The following PCDHGA7 variants were observed in gnomAD, a reference collection of about 807,000 sequenced individuals.
PCDHGA7 encodes the protein protocadherin gamma subfamily A, 7, also known as protocadherin gamma-A7.
Under a neutral mutation model 58.3 loss-of-function variants are expected in PCDHGA7, and 44 were observed. The observed-to-expected ratio is 0.75, with a 90% CI of 0.59 to 0.97. The LOEUF (loss-of-function observed/expected upper bound fraction) is 0.97. Among genes scored for constraint, PCDHGA7 ranks in the 50% least tolerant of loss-of-function variants. PCDHGA7 has a pLI of 0.00. For synonymous variants in PCDHGA7, 516 were observed against 504.2 expected (o/e 1.02, Z -0.31); for missense variants, 1,266 against 1,188.7 (o/e 1.06, Z -0.96).
Position 141,476,008 on chromosome 5 carries a change from G to T in PCDHGA7, c.2425-18799G>T. 1 of 1,282,144 alleles carries T rather than the reference G, an allele frequency of 7.8e-7. No homozygotes were observed. Among genetic ancestry groups the T allele is most frequent in the Non-Finnish European group, 1.1e-6 (1 of 935,996 alleles). 79.4% of individuals were successfully genotyped at this position (1,282,144 alleles called of 1,614,324 possible). On this transcript the variant is annotated intron_variant, in intron 1 of 3. Coordinates refer to ENST00000518325, the MANE Select transcript of PCDHGA7 (RefSeq NM_018920.4). This position sits in a 1 kb window ranked among gnomAD's most constrained non-coding sequence, Gnocchi z 7.6. ...CGAGCAAATCAACGGCATCCAGAAA[G>T]CCATGTCGGACTCGGCGCCCAGCGC... is the stretch of plus-strand genomic sequence containing the variant.
chr5:141,406,620 C>T (rs1355085005), intron 1 of PCDHGA7, among the ~76,000 whole-genome samples: 1 of 152,148 alleles, frequency 6.6e-6, no homozygotes, highest in Non-Finnish European at 1.5e-5. Flanking sequence ...CTTTTATTCT[C>T]ATATCTTCAA....
intron 1 of PCDHGA7, chr5:141,419,876 C>T (rs1219393740): frequency 1.4e-5 from 23 of 1,614,084 alleles, no homozygotes; most frequent in Non-Finnish European, 1.9e-5. Flanking sequence ...AGAGGTACTG[C>T]CGGATTTCAG....
chr5:141,422,563 G>A, intron 1 of PCDHGA7: 3 of 1,613,986 alleles, frequency 1.9e-6, no homozygotes, highest in African/African-American at 1.3e-5. Flanking sequence ...TGTGGCAGAT[G>A]ACAACGATAA....
Position 141,489,956 on chromosome 5 carries a change from C to CTCCAACCT in PCDHGA7, c.2425-4845_2425-4838dup, listed in dbSNP as rs1176419823. Reference sequence around the variant, plus strand: ...ATCGTGCTGGACATCAATGATAATGCTCCAACCTTCCAATCCTCAGTTCTA... The same window carrying CTCCAACCT: ...ATCGTGCTGGACATCAATGATAATGCTCCAACCTTCCAACCTTCCAATCCTCAGTTCTA... On this transcript the variant is annotated intron_variant, in intron 1 of 3. Coordinates refer to ENST00000518325, the MANE Select transcript of PCDHGA7 (RefSeq NM_018920.4). The surrounding 1 kb of genome is among the most constrained non-coding windows in gnomAD (Gnocchi z 4.5). 16 of 1,614,012 alleles carry CTCCAACCT rather than the reference C, an allele frequency of 9.9e-6. No individual in the cohort carries two copies. The highest frequency in any genetic ancestry group is 1.4e-5 in the Non-Finnish European group (16 of 1,179,974).
intron 1 of PCDHGA7, chr5:141,421,506 G>T: frequency 6.2e-7 from 1 of 1,614,076 alleles, no homozygotes; most frequent in Non-Finnish European, 8.5e-7. Context: ...GGATAGACCG[G>T]GAGGAGCTCT....
chr5:141,392,661 A>T, intron 1 of PCDHGA7: 1 of 803,300 alleles, frequency 1.2e-6, no homozygotes, highest in Non-Finnish European at 1.9e-6. Context: ...CAGATGCCAC[A>T]AACTAACTGC....
At chr5:141,499,287 C>T (rs896428388) in intron 2 of PCDHGA7, among the ~76,000 whole-genome samples, 3 of 152,184 alleles carry the variant, frequency 2.0e-5, no homozygotes, top group Non-Finnish European at 2.9e-5. Context: ...CTGATGGCTC[C>T]ACACTACCAT....
chr5:141,422,272 A>T, intron 1 of PCDHGA7: 13 of 1,561,362 alleles, frequency 8.3e-6, no homozygotes, highest in Non-Finnish European at 1.1e-5. Context: ...TCCAGAAATA[A>T]CTATCACCTC....
intron 1 of PCDHGA7, among the ~76,000 whole-genome samples, chr5:141,451,410 G>T (rs1201545799): frequency 6.6e-6 from 1 of 152,190 alleles, no homozygotes; most frequent in East Asian, 1.9e-4. Context: ...TAAGTTCCTT[G>T]TGGATTGTTA....
At chr5:141,387,019 A>G (rs753625930) in intron 1 of PCDHGA7, among the ~76,000 whole-genome samples, 1 of 152,192 alleles carries the variant, frequency 6.6e-6, no homozygotes, top group Non-Finnish European at 1.5e-5. Context: ...TTGAAGATGA[A>G]TGTTGTATTT....
rs113341686 is a variant in PCDHGA7, at chr5:141,488,763, G to A, written c.2425-6044G>A. Among the ~76,000 whole-genome samples the A allele has an allele frequency of 6.6e-4, 101 of 152,264 alleles. 1 individual carries two copies. The highest frequency in any genetic ancestry group is 1.7e-3 in the African/African-American group (69 of 41,544). ...ATGCAGGAAGTTGCTGGGACAGAACGCTGAGGAGTTTTGTATCACTTTGTC... is the reference window on the plus strand; with the variant it reads ...ATGCAGGAAGTTGCTGGGACAGAACACTGAGGAGTTTTGTATCACTTTGTC... On this transcript the variant is annotated intron_variant, in intron 1 of 3. Coordinates refer to ENST00000518325, the MANE Select transcript of PCDHGA7 (RefSeq NM_018920.4).
At chr5:141,426,538 C>T (rs1038881219) in intron 1 of PCDHGA7, 2 of 346,308 alleles carry the variant, frequency 5.8e-6, no homozygotes, top group Non-Finnish European at 1.2e-5. Context: ...TGGGAACATA[C>T]TTGTGAGTGA....
In PCDHGA7 at chr5:141,407,146, T is replaced by C. The variant is rs142297912; in HGVS notation, c.2424+21823T>C. On this transcript the variant is annotated intron_variant, in intron 1 of 3. Transcript: ENST00000518325. ...TGCTTTATTTTTAAGAAAAAAAAGC[T>C]GAAGTGTCTGGGAATCCTTTATGAC... 2.0e-5 allele frequency among the ~76,000 whole-genome samples: 3 copies of C among 152,354 alleles called. No individual in the cohort carries two copies. The East Asian group carries it at 5.8e-4, about 29-fold the overall frequency.
Position 141,382,809 on chromosome 5 carries a change from C to A in PCDHGA7, c.-91C>A. On this transcript the variant is annotated 5_prime_UTR_variant, in exon 1 of 4. Transcript: ENST00000518325. ...CTCTATCCTGCTGGATTCTGAGCTC[C>A]CCTTCCTAAGACAGAGGGGTCCACC... is the stretch of plus-strand genomic sequence containing the variant. 8.7e-7 allele frequency: 1 copy of A among 1,143,884 alleles called. No homozygotes were observed. The highest frequency in any genetic ancestry group is 1.2e-6 in the Non-Finnish European group (1 of 803,680). 70.9% of individuals were successfully genotyped at this position (1,143,884 alleles called of 1,614,324 possible).
At chr5:141,444,115 AG>A (rs1206374963) in intron 1 of PCDHGA7, among the ~76,000 whole-genome samples, 3 of 147,326 alleles carry the variant, frequency 2.0e-5, no homozygotes, top group Admixed American at 2.0e-4. Context: ...AGAAAAGTGA[AG>A]TATCTCAACA....
intron 1 of PCDHGA7, among the ~76,000 whole-genome samples, chr5:141,445,011 T>C (rs970882082): frequency 1.3e-5 from 2 of 152,196 alleles, no homozygotes; most frequent in Non-Finnish European, 2.9e-5. Flanking sequence ...AATTAGGTCT[T>C]TAATTTCTCT....
At chr5:141,407,874 T>C (rs2094995185) in intron 1 of PCDHGA7, 1 of 358,496 alleles carries the variant, frequency 2.8e-6, no homozygotes, top group South Asian at 5.6e-5. Context: ...GAAGAATATA[T>C]ACATTTCGGA....
At chr5:141,504,842 A>G (rs944461166) in intron 2 of PCDHGA7, among the ~76,000 whole-genome samples, 7 of 151,968 alleles carry the variant, frequency 4.6e-5, no homozygotes, top group African/African-American at 1.7e-4. Context: ...CTAGCTCTGG[A>G]ACATTCTCTT....
intron 1 of PCDHGA7, among the ~76,000 whole-genome samples, chr5:141,459,721 T>C (rs2098973915): frequency 6.6e-6 from 1 of 152,246 alleles, no homozygotes. Context: ...CAATGCTTCC[T>C]ATTGTCAATT....
Sources: allele counts gnomAD v4.1 joint callset (sites outside exome capture counted in the v4.1 genomes callset), GRCh38; gene constraint gnomAD v4.1.1; non-coding constraint Gnocchi (gnomAD v3.1); transcripts MANE v1.5; gene names NCBI Gene and HGNC (gene_info 2026-07-23, HGNC 2026-07-21).